The following CUX2 variants were observed in gnomAD, a reference collection of about 807,000 sequenced individuals.
CUX2 encodes the protein homeobox protein cut-like 2.
In CUX2, 40 loss-of-function variants were observed where a neutral mutation model predicts 144.8. The ratio of observed to expected loss-of-function variants is 0.28; its 90% CI spans 0.21 to 0.36. The LOEUF is 0.36. CUX2 is among the 10% of genes least tolerant of loss of function. CUX2 has a pLI of 1.00. For synonymous variants in CUX2, 827 were observed against 875.6 expected, an observed-to-expected ratio of 0.94 and a Z score of 0.98; for missense variants, 1,615 against 1,994.0, an observed-to-expected ratio of 0.81 and a Z score of 3.62.
intron 1 of CUX2, among the ~76,000 whole-genome samples, chr12:111,075,747 G>T (rs576589223): frequency 6.6e-6 from 1 of 152,270 alleles, no homozygotes; most frequent in Non-Finnish European, 1.5e-5. Context: ...CTCATTATTT[G>T]TCCTTACTGG....
In CUX2 at chr12:111,192,157, TACTC is replaced by T. The variant is rs149076372; in HGVS notation, c.64-22041_64-22038del. Among the ~76,000 whole-genome samples, 1,416 of 152,190 alleles carry T rather than the reference TACTC, an allele frequency of 9.3e-3. 14 individuals are homozygous for T. Among genetic ancestry groups the T allele is most frequent in the Non-Finnish European group, 0.015 (1,050 of 67,980 alleles). ...TTATTTATTTTTGGAGATGGAGTCT[TACTC>T]AGTCACCTAGGTTGGAGTGCAGTGG... is the stretch of plus-strand genomic sequence containing the variant. On this transcript the variant is annotated intron_variant, in intron 1 of 21. Transcript: ENST00000261726.
chr12:111,118,944 C>G (rs1308722962), intron 1 of CUX2, among the ~76,000 whole-genome samples: 1 of 152,140 alleles, frequency 6.6e-6, no homozygotes, highest in Non-Finnish European at 1.5e-5. Flanking sequence ...CATGGGCTAT[C>G]AAAGGAGAAA....
chr12:111,108,450 T>C (rs1485410412), intron 1 of CUX2, among the ~76,000 whole-genome samples: 1 of 152,262 alleles, frequency 6.6e-6, no homozygotes, highest in Non-Finnish European at 1.5e-5. Flanking sequence ...ATTATTGCTA[T>C]GGTGTTTGCC....
At chr12:111,075,230 G>A (rs958620077) in intron 1 of CUX2, among the ~76,000 whole-genome samples, 14 of 152,216 alleles carry the variant, frequency 9.2e-5, no homozygotes, top group African/African-American at 3.1e-4. Flanking sequence ...CAGCCAACTA[G>A]GCGGGCCGAC....
intron 9 of CUX2, among the ~76,000 whole-genome samples, chr12:111,302,375 G>T (rs1886334318): frequency 6.6e-6 from 1 of 152,128 alleles, no homozygotes; most frequent in South Asian, 2.1e-4. Flanking sequence ...CTACCAAATT[G>T]CATTTGGCCA....
chr12:111,321,220 G>C (rs1229572181), intron 17 of CUX2, among the ~76,000 whole-genome samples: 3 of 152,114 alleles, frequency 2.0e-5, no homozygotes, highest in African/African-American at 7.2e-5. Context: ...TGTAATCCCA[G>C]CACTTTGGGA....
chr12:111,187,152 A>G (rs58812197), intron 1 of CUX2, among the ~76,000 whole-genome samples: 5,560 of 152,198 alleles, frequency 0.037, 359 homozygotes, highest in African/African-American at 0.13. Context: ...GGCTATCCAG[A>G]TGTTCACTTA....
intron 1 of CUX2, among the ~76,000 whole-genome samples, chr12:111,074,013 C>T (rs1325819939): frequency 5.3e-5 from 8 of 151,138 alleles, no homozygotes; most frequent in Non-Finnish European, 1.5e-5. Context: ...TAAGTATATC[C>T]CATGCAATGT....
At chr12:111,135,585 G>A (rs1165496114) in intron 1 of CUX2, among the ~76,000 whole-genome samples, 2 of 152,228 alleles carry the variant, frequency 1.3e-5, no homozygotes, top group Non-Finnish European at 2.9e-5. Context: ...CAACCCGCAT[G>A]TGCATCGCTC....
intron 3 of CUX2, among the ~76,000 whole-genome samples, chr12:111,234,781 T>C (rs7961714): frequency 0.083 from 12,482 of 150,580 alleles, 1,714 homozygotes; most frequent in African/African-American, 0.29. Flanking sequence ...TGCAGTGGCG[T>C]GATCTCAGCT....
intron 4 of CUX2, among the ~76,000 whole-genome samples, chr12:111,269,298 G>A (rs1263516779): frequency 2.0e-5 from 3 of 152,198 alleles, no homozygotes; most frequent in African/African-American, 7.2e-5. Flanking sequence ...TTGAATATTA[G>A]AAATAAGACT....
chr12:111,268,971 G>C (rs977976405), intron 4 of CUX2, among the ~76,000 whole-genome samples: 2 of 152,196 alleles, frequency 1.3e-5, no homozygotes, highest in African/African-American at 4.8e-5. Flanking sequence ...AGATATGCGT[G>C]TGCTTTCAGG....
At chr12:111,108,602 C>A (rs1873749470) in intron 1 of CUX2, among the ~76,000 whole-genome samples, 1 of 151,972 alleles carries the variant, frequency 6.6e-6, no homozygotes, top group African/African-American at 2.4e-5. Context: ...TGTTTCCCCT[C>A]TCTCTCTGCC....
intron 1 of CUX2, among the ~76,000 whole-genome samples, chr12:111,141,832 C>T (rs1245241425): frequency 2.6e-5 from 4 of 152,228 alleles, no homozygotes; most frequent in Admixed American, 2.0e-4. Flanking sequence ...CGCCTATAAT[C>T]CCAGCACTTT....
intron 1 of CUX2, among the ~76,000 whole-genome samples, chr12:111,173,969 G>T (rs1878694560): frequency 6.6e-6 from 1 of 152,174 alleles, no homozygotes; most frequent in Non-Finnish European, 1.5e-5. Context: ...CCTGGGGCTG[G>T]TTTGGGCTTG....
At chr12:111,065,686 C>T (rs1343567836) in intron 1 of CUX2, among the ~76,000 whole-genome samples, 1 of 152,192 alleles carries the variant, frequency 6.6e-6, no homozygotes, top group African/African-American at 2.4e-5. Context: ...GCTTAATGTC[C>T]AGCAGTATTA....
rs115781214 is a variant in CUX2 at position 111,162,657 on chromosome 12, C to G, written c.64-51543C>G. On this transcript the variant is annotated intron_variant, in intron 1 of 21. Coordinates refer to ENST00000261726, the MANE Select transcript of CUX2 (RefSeq NM_015267.4). ...AGCAAGTGCGTGTATGTTTCTTGAACCCATAATTGGAAACTCACACCCTAA... is the reference window on the plus strand; with the variant it reads ...AGCAAGTGCGTGTATGTTTCTTGAAGCCATAATTGGAAACTCACACCCTAA... 4.3e-3 allele frequency among the ~76,000 whole-genome samples: 662 copies of G among 152,312 alleles called. 4 individuals carry two copies. Among genetic ancestry groups the G allele is most frequent in the African/African-American group, 0.015 (614 of 41,566 alleles).
chr12:111,070,812 C>T (rs1273384016), intron 1 of CUX2, among the ~76,000 whole-genome samples: 1 of 152,230 alleles, frequency 6.6e-6, no homozygotes, highest in African/African-American at 2.4e-5. Flanking sequence ...CTCTTACTGT[C>T]TCCATAGTTT....
At position 111,061,636 on chromosome 12, in the gene CUX2, C is replaced by A. The variant is rs540798707; in HGVS notation, c.63+27396C>A. Among the ~76,000 whole-genome samples the A allele has an allele frequency of 2.6e-5, 4 of 152,358 alleles. No homozygotes were observed. The East Asian group carries it at 7.7e-4, about 29-fold the overall frequency. On this transcript the variant is annotated intron_variant, in intron 1 of 21. Coordinates refer to ENST00000261726, the MANE Select transcript of CUX2 (RefSeq NM_015267.4). This position sits in a 1 kb window ranked among gnomAD's most constrained non-coding sequence, Gnocchi z 4.2. Reference sequence around the variant, plus strand: ...ATCACGGTCTTTCCACTTATACCCACATTAGCATTCTCCACGTCATTTTGC... The same window carrying A: ...ATCACGGTCTTTCCACTTATACCCAAATTAGCATTCTCCACGTCATTTTGC...
Sources: allele counts gnomAD v4.1 joint callset (sites outside exome capture counted in the v4.1 genomes callset), GRCh38; gene constraint gnomAD v4.1.1; non-coding constraint Gnocchi (gnomAD v3.1); transcripts MANE v1.5; gene names NCBI Gene and HGNC (gene_info 2026-07-23, HGNC 2026-07-21).